Variants in SLC12A8 observed in about 807,000 individuals in gnomAD.
The protein encoded by SLC12A8 is solute carrier family 12 member 8.
SLC12A8 carries 69 observed loss-of-function variants against 75.6 expected under a neutral mutation model. The ratio of observed to expected loss-of-function variants is 0.91; its 90% CI spans 0.75 to 1.11. SLC12A8 has a LOEUF of 1.11. Ranked by LOEUF, SLC12A8 falls within the 50% of genes most tolerant of loss-of-function variation. SLC12A8 has a pLI of 0.00. For missense variants in SLC12A8, 877 were observed against 896.7 expected, an observed-to-expected ratio of 0.98 and a Z score of 0.28; for synonymous variants, 365 against 372.8, an observed-to-expected ratio of 0.98 and a Z score of 0.24.
Position 125,209,934 on chromosome 3 carries a change from G to A in SLC12A8, c.51+1365C>T, listed in dbSNP as rs138279389. Among the ~76,000 whole-genome samples the A allele has an allele frequency of 3.9e-3, 589 of 152,284 alleles. 4 individuals are homozygous for A. Among genetic ancestry groups the A allele is most frequent in the Non-Finnish European group, 6.2e-3 (424 of 68,022 alleles). Reference sequence around the variant, plus strand: ...GTATGAATCATCCAATCAAGAAATGGTACCTTAACAAGACAGTGCAGGGGA... The same window carrying A: ...GTATGAATCATCCAATCAAGAAATGATACCTTAACAAGACAGTGCAGGGGA... On this transcript the variant is annotated intron_variant, in intron 2 of 13. Coordinates refer to ENST00000469902, the MANE Select transcript of SLC12A8 (RefSeq NM_024628.6).
chr3:125,141,726 C>A (rs1404841174), intron 5 of SLC12A8, among the ~76,000 whole-genome samples: 1 of 152,072 alleles, frequency 6.6e-6, no homozygotes, highest in African/African-American at 2.4e-5. Context: ...CGGGGGCTTC[C>A]GGCGGCGCTC....
In SLC12A8 at chr3:125,107,498, G is replaced by A. The variant is rs577293115; in HGVS notation, c.1688C>T (p.Ser563Leu). ...EQLVPELCNQ[S>L]ESSGEDFFLK... ...GCACTCACCTTCTCCACTGGACTCTGATTGGTTGCACAGCTCAGGAACAAG... is the reference window on the plus strand; with the variant it reads ...GCACTCACCTTCTCCACTGGACTCTAATTGGTTGCACAGCTCAGGAACAAG... The change falls in exon 10 of 14, where the codon TCA becomes TTA. Residue 563 changes from serine (S) to leucine (L), a missense_variant. Coordinates refer to ENST00000469902, the MANE Select transcript of SLC12A8 (RefSeq NM_024628.6). 39 of 1,609,156 alleles carry A rather than the reference G, an allele frequency of 2.4e-5. No individual in the cohort carries two copies. The highest frequency in any genetic ancestry group is 3.3e-5 in the Non-Finnish European group (39 of 1,175,998).
At chr3:125,151,754 C>T (rs927832756) in intron 5 of SLC12A8, among the ~76,000 whole-genome samples, 23 of 152,306 alleles carry the variant, frequency 1.5e-4, no homozygotes, top group Middle Eastern at 3.4e-3. Context: ...AGTAGTTGCT[C>T]ATTTTGAGTA....
chr3:125,122,110 T>C (rs567203174), intron 6 of SLC12A8, among the ~76,000 whole-genome samples: 6 of 152,320 alleles, frequency 3.9e-5, no homozygotes, highest in African/African-American at 1.4e-4. Flanking sequence ...TGTTGTGACA[T>C]GGAAAGATGT....
intron 5 of SLC12A8, among the ~76,000 whole-genome samples, chr3:125,169,794 C>T (rs1348153925): frequency 6.6e-6 from 1 of 152,144 alleles, no homozygotes; most frequent in Non-Finnish European, 1.5e-5. Flanking sequence ...GTGATGCCCA[C>T]CTGTCACAAC....
At chr3:125,204,335 C>A (rs929133076) in intron 2 of SLC12A8, among the ~76,000 whole-genome samples, 10 of 152,116 alleles carry the variant, frequency 6.6e-5, no homozygotes, top group African/African-American at 2.4e-4. Flanking sequence ...ACCTAAGTGT[C>A]CATCAACAGA....
chr3:125,207,547 A>C (rs991114359), intron 2 of SLC12A8, among the ~76,000 whole-genome samples: 2 of 152,202 alleles, frequency 1.3e-5, no homozygotes, highest in African/African-American at 4.8e-5. Context: ...CATTCAATAA[A>C]CACCTGGTAA....
chr3:125,202,854 A>G (rs667718), intron 2 of SLC12A8, among the ~76,000 whole-genome samples: 110,259 of 151,778 alleles, frequency 0.73, 40,335 homozygotes, highest in African/African-American at 0.79. Flanking sequence ...TTGGGAGGCC[A>G]AGGCGGGCGG....
rs529087687 is a variant in SLC12A8, at chr3:125,162,067, T to C, written c.622+15676A>G. 2.0e-5 allele frequency among the ~76,000 whole-genome samples: 3 copies of C among 152,308 alleles called. No homozygotes were observed. The South Asian group carries it at 6.2e-4, about 32-fold the overall frequency. ...TGTAGACGGAATACCTGCGAACTGC[T>C]GCCAACACAGGAAGGTTGGCGCCTC... On this transcript the variant is annotated intron_variant, in intron 5 of 13. Transcript: ENST00000469902.
At position 125,178,474 on chromosome 3, in the gene SLC12A8, C is replaced by T. The variant is rs182259618; in HGVS notation, c.391-500G>A. Reference sequence around the variant, plus strand: ...AAAGTGAGTGGCACGTCTTTTTCAACGTCATATGTGGCAAAGGCTACCCAA... The same window carrying T: ...AAAGTGAGTGGCACGTCTTTTTCAATGTCATATGTGGCAAAGGCTACCCAA... On this transcript the variant is annotated intron_variant, in intron 4 of 13. Coordinates refer to ENST00000469902, the MANE Select transcript of SLC12A8 (RefSeq NM_024628.6). Among the ~76,000 whole-genome samples the T allele has an allele frequency of 1.9e-3, 284 of 152,104 alleles. 1 individual carries two copies. The highest frequency in any genetic ancestry group is 6.6e-3 in the African/African-American group (272 of 41,472).
At chr3:125,146,586 G>A (rs759119094) in intron 5 of SLC12A8, among the ~76,000 whole-genome samples, 18 of 152,304 alleles carry the variant, frequency 1.2e-4, no homozygotes, top group African/African-American at 2.6e-4. Flanking sequence ...CCTCCCTGCC[G>A]TACAGATGTG....
chr3:125,145,393 A>G (rs1933748521), intron 5 of SLC12A8, among the ~76,000 whole-genome samples: 1 of 152,234 alleles, frequency 6.6e-6, no homozygotes. Flanking sequence ...CAATGGAAAC[A>G]ACCCAAATGT....
At chr3:125,191,535 G>A (rs1218213265) in intron 2 of SLC12A8, among the ~76,000 whole-genome samples, 1 of 152,190 alleles carries the variant, frequency 6.6e-6, no homozygotes. Flanking sequence ...GTCACTGTGT[G>A]CAATGAATCT....
intron 13 of SLC12A8, among the ~76,000 whole-genome samples, chr3:125,087,187 C>T (rs981062484): frequency 2.0e-5 from 3 of 150,628 alleles, no homozygotes; most frequent in African/African-American, 4.9e-5. Flanking sequence ...CTCTGCCTCT[C>T]GGGTTCAAGC....
chr3:125,162,078 G>A (rs549200861), intron 5 of SLC12A8, among the ~76,000 whole-genome samples: 1 of 152,366 alleles, frequency 6.6e-6, no homozygotes, highest in South Asian at 2.1e-4. Flanking sequence ...GCCAACACAG[G>A]AAGGTTGGCG....
At chr3:125,114,954 C>T (rs1939272919) in intron 8 of SLC12A8, among the ~76,000 whole-genome samples, 1 of 152,168 alleles carries the variant, frequency 6.6e-6, no homozygotes, top group Admixed American at 6.5e-5. Context: ...CTGAGATTGA[C>T]TGTTCTGGCT....
At chr3:125,193,226 C>A (rs1456720800) in intron 2 of SLC12A8, among the ~76,000 whole-genome samples, 1 of 152,050 alleles carries the variant, frequency 6.6e-6, no homozygotes, top group Non-Finnish European at 1.5e-5. Flanking sequence ...AAAAATTAGC[C>A]GGGTGTGGTT....
At chr3:125,198,129 T>C (rs1560083908) in intron 2 of SLC12A8, among the ~76,000 whole-genome samples, 1 of 151,902 alleles carries the variant, frequency 6.6e-6, no homozygotes, top group Non-Finnish European at 1.5e-5. Flanking sequence ...ATAGAAAACC[T>C]AAATCTACCT....
At position 125,209,625 on chromosome 3, in the gene SLC12A8, A is replaced by T. The variant is rs375906785; in HGVS notation, c.51+1674T>A. 2.0e-4 allele frequency among the ~76,000 whole-genome samples: 31 copies of T among 152,314 alleles called. No individual in the cohort carries two copies. The East Asian group carries it at 2.9e-3, about 14-fold the overall frequency. On this transcript the variant is annotated intron_variant, in intron 2 of 13. Transcript: ENST00000469902. Reference sequence around the variant, plus strand: ...GCCAGGTATTGGGGATACAAAAATAAATAAGACATGCCCCTGAATTTAAGT... The same window carrying T: ...GCCAGGTATTGGGGATACAAAAATATATAAGACATGCCCCTGAATTTAAGT...
Sources: gnomAD v4.1 joint callset for allele counts (sites outside exome capture counted in the v4.1 genomes callset) on GRCh38, gnomAD v4.1.1 for gene constraint, MANE v1.5 for transcripts, NCBI Gene and HGNC (gene_info 2026-07-23, HGNC 2026-07-21) for gene names.